The following LRRC8C variants were observed in gnomAD, a reference collection of about 807,000 sequenced individuals.
LRRC8C encodes the protein leucine rich repeat containing 8 VRAC subunit C, also known as volume-regulated anion channel subunit LRRC8C.
A neutral mutation model predicts 55.3 loss-of-function variants in LRRC8C; 20 were observed. That is an observed-to-expected ratio of 0.36 (90% CI 0.25 to 0.53). LRRC8C has a LOEUF of 0.53. Among genes scored for constraint, LRRC8C ranks in the 20% least tolerant of loss-of-function variants. The pLI is 0.92. For synonymous variants in LRRC8C, 376 were observed against 360.7 expected (o/e 1.04, Z -0.48); for missense variants, 659 against 951.4 (o/e 0.69, Z 4.04).
intron 1 of LRRC8C, among the ~76,000 whole-genome samples, chr1:89,674,332 G>C (rs983861619): frequency 4.6e-5 from 7 of 152,058 alleles, no homozygotes; most frequent in Non-Finnish European, 1.0e-4. Flanking sequence ...TCAGCTTCTA[G>C]AATGTGTGAC....
In LRRC8C at chr1:89,700,158, A is replaced by G. The variant is rs921071169; in HGVS notation, c.139-12551A>G. 4.9e-4 allele frequency among the ~76,000 whole-genome samples: 74 copies of G among 152,122 alleles called. 1 individual carries two copies. Among genetic ancestry groups the G allele is most frequent in the Non-Finnish European group, 2.4e-4 (16 of 68,020 alleles). On this transcript the variant is annotated intron_variant, in intron 2 of 2. Coordinates refer to ENST00000370454, the MANE Select transcript of LRRC8C (RefSeq NM_032270.5). ...CCTCAGAAAAGAAGAGTGACACTCC[A>G]TCTTTTCAGTCTTTCTCCCTCTCTC...
At chr1:89,633,668 G>A (rs539003711) in intron 1 of LRRC8C, among the ~76,000 whole-genome samples, 141 of 152,304 alleles carry the variant, frequency 9.3e-4, no homozygotes, top group Non-Finnish European at 1.5e-3. Context: ...ATGCGTCCGT[G>A]GCCGGGGCGA....
chr1:89,670,770 G>C lies in LRRC8C; in HGVS notation c.-4-15700G>C, dbSNP rs184148334. On this transcript the variant is annotated intron_variant, in intron 1 of 2. Transcript: ENST00000370454. ...TGAATCTATTCCATCTTTAAATTTA[G>C]ATTGTGAAAGTAAAGGTACCTGTTT... 7.2e-5 allele frequency among the ~76,000 whole-genome samples: 11 copies of C among 152,246 alleles called. No homozygotes were observed. The East Asian group carries it at 2.1e-3, about 29-fold the overall frequency.
At chr1:89,633,773 G>T (rs1229933124) in intron 1 of LRRC8C, among the ~76,000 whole-genome samples, 1 of 152,196 alleles carries the variant, frequency 6.6e-6, no homozygotes, top group Non-Finnish European at 1.5e-5. Flanking sequence ...CTTGAAGTTA[G>T]CACTTTTGGG....
chr1:89,697,411 GCT>G (rs951067075), intron 2 of LRRC8C, among the ~76,000 whole-genome samples: 2 of 152,064 alleles, frequency 1.3e-5, no homozygotes, highest in African/African-American at 4.8e-5. Flanking sequence ...TTCTACTCCT[GCT>G]CACAGATTTA....
chr1:89,702,970 G>A (rs1050734566), intron 2 of LRRC8C, among the ~76,000 whole-genome samples: 9 of 152,082 alleles, frequency 5.9e-5, no homozygotes, highest in African/African-American at 1.9e-4. Flanking sequence ...CAAAACACAC[G>A]CTCATGAAAG....
rs1334894528 is a variant in LRRC8C at position 89,719,443 on chromosome 1, C to T, written c.*4461C>T. ...AGAAAATGCTTGAAAGTTGATTTGT[C>T]ATAGTGCAAATTCATGATAAAATGT... On this transcript the variant is annotated 3_prime_UTR_variant, in exon 3 of 3. Transcript: ENST00000370454. 1 of 152,078 alleles carries T rather than the reference C, an allele frequency of 6.6e-6. No individual in the cohort carries two copies. The highest frequency in any genetic ancestry group is 1.5e-5 in the Non-Finnish European group (1 of 68,006). The allele number at this position is 152,078 out of a possible 1,614,324, so 9.4% of individuals were successfully genotyped here. A position where few individuals can be genotyped will look rare whatever the true frequency, so the allele number is the denominator to read the frequency against.
upstream of LRRC8C, among the ~76,000 whole-genome samples, chr1:89,628,615 A>C (rs1477054401): frequency 1.3e-5 from 2 of 152,194 alleles, no homozygotes; most frequent in African/African-American, 4.8e-5. Flanking sequence ...ATTGGACAAA[A>C]GGGGTATGAT....
chr1:89,705,337 T>A (rs1201027071), intron 2 of LRRC8C, among the ~76,000 whole-genome samples: 13 of 150,262 alleles, frequency 8.7e-5, no homozygotes, highest in African/African-American at 3.2e-4. Flanking sequence ...GACGAGTTAG[T>A]GGGTGCAGCG....
At chr1:89,671,949 T>G (rs1442204213) in intron 1 of LRRC8C, among the ~76,000 whole-genome samples, 1 of 152,230 alleles carries the variant, frequency 6.6e-6, no homozygotes, top group Non-Finnish European at 1.5e-5. Flanking sequence ...GCATGTCATG[T>G]GTTGCCCTCC....
At chr1:89,663,598 G>C (rs1360799782) in intron 1 of LRRC8C, among the ~76,000 whole-genome samples, 1 of 151,772 alleles carries the variant, frequency 6.6e-6, no homozygotes, top group Non-Finnish European at 1.5e-5. Flanking sequence ...ACATGTGCAT[G>C]TGTCTTTATA....
chr1:89,645,695 CAA>C (rs1240748948), intron 1 of LRRC8C, among the ~76,000 whole-genome samples: 1 of 151,850 alleles, frequency 6.6e-6, no homozygotes, highest in Non-Finnish European at 1.5e-5. Flanking sequence ...CAAAAAAGGA[CAA>C]AACATTATTA....
In LRRC8C at chr1:89,650,496, T is replaced by TAA. The variant is rs35562873; in HGVS notation, c.-5+17184_-5+17185dup. ...AATTTAATCAGTAGAAATTAGGAAG[T>TAA]AAAAAAAAAAAGGTATATTTCCCCA... On this transcript the variant is annotated intron_variant, in intron 1 of 2. Coordinates refer to ENST00000370454, the MANE Select transcript of LRRC8C (RefSeq NM_032270.5). Among the ~76,000 whole-genome samples, 63 of 148,204 alleles carry TAA rather than the reference T, an allele frequency of 4.3e-4. 1 individual carries two copies. The highest frequency in any genetic ancestry group is 3.5e-3 in the Middle Eastern group (1 of 288).
At chr1:89,664,832 G>A (rs747109356) in intron 1 of LRRC8C, among the ~76,000 whole-genome samples, 14 of 152,166 alleles carry the variant, frequency 9.2e-5, no homozygotes, top group Non-Finnish European at 1.8e-4. Context: ...GCAGTGGTTT[G>A]TAGTTCTCCT....
intron 1 of LRRC8C, among the ~76,000 whole-genome samples, chr1:89,662,289 A>G (rs1657141977): frequency 6.6e-6 from 1 of 152,226 alleles, no homozygotes; most frequent in African/African-American, 2.4e-5. Context: ...TAGAAGGCCC[A>G]GTGTGGCTGG....
At chr1:89,686,740 G>T in intron 2 of LRRC8C, 129 bp downstream of exon 2, 1 of 1,059,226 alleles carries the variant, frequency 9.4e-7, no homozygotes, top group Non-Finnish European at 1.4e-6. Flanking sequence ...GGATGTATTT[G>T]TAATCATAGC....
intron 2 of LRRC8C, among the ~76,000 whole-genome samples, chr1:89,707,978 T>G (rs1658531540): frequency 6.6e-6 from 1 of 152,094 alleles, no homozygotes; most frequent in Non-Finnish European, 1.5e-5. Context: ...CATAAATGAT[T>G]TCATTCTAAG....
In LRRC8C at chr1:89,717,890, T is replaced by C. The variant is rs1658870998; in HGVS notation, c.*2908T>C. 6.6e-6 allele frequency: 1 copy of C among 152,204 alleles called. No homozygotes were observed. Among genetic ancestry groups the C allele is most frequent in the Non-Finnish European group, 1.5e-5 (1 of 68,026 alleles). The allele number at this position is 152,204 out of a possible 1,614,324, so 9.4% of individuals were successfully genotyped here. ...TCATGAGAGATTGCTTGTGTAAATA[T>C]AAAAGCACCATATGTGTTCTTAACT... On this transcript the variant is annotated 3_prime_UTR_variant, in exon 3 of 3. Transcript: ENST00000370454.
intron 1 of LRRC8C, among the ~76,000 whole-genome samples, chr1:89,679,554 CA>C (rs760538325): frequency 6.6e-6 from 1 of 151,656 alleles, no homozygotes; most frequent in Admixed American, 6.6e-5. Flanking sequence ...ACCCTGTCTC[CA>C]AAAAAACAAC....
Sources: allele counts gnomAD v4.1 joint callset (sites outside exome capture counted in the v4.1 genomes callset), GRCh38; gene constraint gnomAD v4.1.1; transcripts MANE v1.5; gene names NCBI Gene and HGNC (gene_info 2026-07-23, HGNC 2026-07-21).